The following PCMTD2 variants were observed in gnomAD, a reference collection of about 807,000 sequenced individuals.
The protein encoded by PCMTD2 is protein-L-isoaspartate (D-aspartate) O-methyltransferase domain containing 2, also known as protein-L-isoaspartate O-methyltransferase domain-containing protein 2.
Under a neutral mutation model 33.4 loss-of-function variants are expected in PCMTD2, and 16 were observed. The observed-to-expected ratio is 0.48, with a 90% confidence interval of 0.32 to 0.73. The LOEUF (loss-of-function observed/expected upper bound fraction) is 0.73, where lower values mean the gene tolerates loss of function less well. Among genes scored for constraint, PCMTD2 ranks in the 30% least tolerant of loss-of-function variants. The pLI is 0.03. For missense variants in PCMTD2, 374 were observed against 449.9 expected, an observed-to-expected ratio of 0.83 and a Z score of 1.53; for synonymous variants, 161 against 160.8, an observed-to-expected ratio of 1.00 and a Z score of -0.01.
At position 64,273,308 on chromosome 20, in the gene PCMTD2, G is replaced by C. The variant is rs1229412669; in HGVS notation, c.794G>C (p.Ser265Thr). 1 of 1,614,142 alleles carries C rather than the reference G, an allele frequency of 6.2e-7. No individual in the cohort carries two copies. The highest frequency in any genetic ancestry group is 1.3e-5 in the African/African-American group (1 of 75,040). The part of the protein sequence containing the change: ...IKKIIHQETV[S>T]KNGNGLKNTP... ...AAGATTATTCATCAGGAAACTGTGA[G>C]CAAAAACGGAAACGGACTAAAGAAC... is the stretch of plus-strand genomic sequence containing the variant. Residue 265 changes from serine to threonine, a missense_variant, in exon 6 of 6, where the codon AGC (serine) becomes ACC (threonine). Physicochemically the swap from Ser to Thr is moderately conservative, Grantham distance 58. Transcript: ENST00000308824.
chr20:64,265,170 GA>G, intron 3 of PCMTD2, 87 bp from the exon 4 acceptor site: 1 of 898,310 alleles, frequency 1.1e-6, no homozygotes, highest in Non-Finnish European at 1.7e-6. Flanking sequence ...ATTGCTGTGG[GA>G]TTTTAACCTG....
At position 64,269,862 on chromosome 20, in the gene PCMTD2, GT is replaced by G. The variant is rs1461504937; in HGVS notation, c.706+1853del. On this transcript the variant is annotated intron_variant, in intron 5 of 5. Coordinates refer to ENST00000308824, the MANE Select transcript of PCMTD2 (RefSeq NM_018257.3). ...GGTCATGGGTGCTGGCGTGTGGGGG[GT>G]GTGGGCGTGCATCGTGTGGGGTCGT... Among the ~76,000 whole-genome samples, 7 of 150,042 alleles carry G rather than the reference GT, an allele frequency of 4.7e-5. No individual in the cohort carries two copies. In the South Asian group the frequency reaches 6.4e-4, roughly 14 times the overall value.
rs376463256 is a variant in PCMTD2, at chr20:64,260,304, C to A, written c.307+32C>A. ...GTGGAAGGAGAGTCTGAAAACTCATCTGTCTCAGGGAAGGAGGCATCTCCT... is the reference window on the plus strand; with the variant it reads ...GTGGAAGGAGAGTCTGAAAACTCATATGTCTCAGGGAAGGAGGCATCTCCT... On this transcript the variant is annotated intron_variant, in intron 2 of 5. Coordinates refer to ENST00000308824, the MANE Select transcript of PCMTD2 (RefSeq NM_018257.3). 2.0e-6 allele frequency: 3 copies of A among 1,487,322 alleles called. No homozygotes were observed. In the Admixed American group the frequency reaches 5.2e-5, roughly 26 times the overall value. 92.1% of individuals were successfully genotyped at this position (1,487,322 alleles called of 1,614,324 possible). A position where few individuals can be genotyped will look rare whatever the true frequency, so the allele number is the denominator to read the frequency against.
At chr20:64,272,524 T>TAA (rs1173899158) in intron 5 of PCMTD2, among the ~76,000 whole-genome samples, 1 of 152,188 alleles carries the variant, frequency 6.6e-6, no homozygotes. Flanking sequence ...TATTAACAGA[T>TAA]AAAAGAATAT....
chr20:64,265,463 A>G lies in PCMTD2; in HGVS notation c.582+34A>G, dbSNP rs1985617467. The G allele has an allele frequency of 4.5e-6, 7 of 1,541,820 alleles. No individual in the cohort carries two copies. The East Asian group carries it at 1.6e-4, about 35-fold the overall frequency. ...CCCTTCATAACTGACATTTCTGCAC[A>G]CTGTGTGCCAAGGTCTGTTCTGGGC... On this transcript the variant is annotated intron_variant, in intron 4 of 5. Transcript: ENST00000308824.
At chr20:64,262,601 G>C (rs1008471831) in intron 2 of PCMTD2, 4 of 152,336 alleles carry the variant, frequency 2.6e-5, no homozygotes, top group African/African-American at 9.7e-5. Context: ...TTGGCTTCCC[G>C]GCGCCTGTGG....
chr20:64,268,712 T>C (rs1409301338), intron 5 of PCMTD2, among the ~76,000 whole-genome samples: 1 of 145,478 alleles, frequency 6.9e-6, no homozygotes, highest in African/African-American at 2.6e-5. Context: ...GGGAAAAGTT[T>C]TGCATAGTCT....
In PCMTD2 at chr20:64,274,814, C is replaced by G. The variant is rs1446422806; in HGVS notation, c.*1214C>G. The stretch of plus-strand genomic sequence containing the variant: ...GTGGTAGGGCTAAAAGAACAACAGC[C>G]TTTTTGGTAGTCACATAGCAGAATG... On this transcript the variant is annotated 3_prime_UTR_variant, in exon 6 of 6. Transcript: ENST00000308824. 2.6e-5 allele frequency: 4 copies of G among 152,164 alleles called. No individual in the cohort carries two copies. The highest frequency in any genetic ancestry group is 9.7e-5 in the African/African-American group (4 of 41,436). 9.4% of individuals were successfully genotyped at this position (152,164 alleles called of 1,614,324 possible).
chr20:64,260,032 T>C lies in PCMTD2; in HGVS notation c.67T>C (p.Tyr23His), dbSNP rs1272062697. 1 of 1,612,326 alleles carries C rather than the reference T, an allele frequency of 6.2e-7. No individual in the cohort carries two copies. Among genetic ancestry groups the C allele is most frequent in the Non-Finnish European group, 8.5e-7 (1 of 1,178,348 alleles). Residue 23 changes from tyrosine (Y) to histidine (H), a missense_variant, in exon 2 of 6, where the codon TAT (tyrosine) becomes CAT (histidine). Coordinates refer to ENST00000308824, the MANE Select transcript of PCMTD2 (RefSeq NM_018257.3). ...GATAGATAATTTGAAAGAAGCACAG[T>C]ATATCCGGACTGAGCTGGTAGAGCA... ...ELIDNLKEAQ[Y>H]IRTELVEQAF...
At chr20:64,272,607 T>C (rs1052668346) in intron 5 of PCMTD2, among the ~76,000 whole-genome samples, 2 of 152,184 alleles carry the variant, frequency 1.3e-5, no homozygotes, top group Non-Finnish European at 2.9e-5. Flanking sequence ...TCACTTGATG[T>C]TAGGAGTTTG....
intron 1 of PCMTD2, among the ~76,000 whole-genome samples, chr20:64,258,130 T>C (rs1414630530): frequency 6.6e-6 from 1 of 152,130 alleles, no homozygotes; most frequent in Non-Finnish European, 1.5e-5. Flanking sequence ...GGTGAAGAGG[T>C]GGCTTTGACT....
At position 64,273,851 on chromosome 20, in the gene PCMTD2, T is replaced by G; in HGVS notation, c.*251T>G. 2.7e-6 allele frequency: 1 copy of G among 371,710 alleles called. No individual in the cohort carries two copies. The highest frequency in any genetic ancestry group is 4.1e-5 in the Admixed American group (1 of 24,334). The allele number at this position is 371,710 out of a possible 1,614,324, so 23.0% of individuals were successfully genotyped here. ...TTGTTTTCCCAAAGTGGAGAGAATC[T>G]TCATAGAGAAAAAGAGAAGGCTGTT... On this transcript the variant is annotated 3_prime_UTR_variant, in exon 6 of 6. Transcript: ENST00000308824.
At chr20:64,264,708 C>A (rs1985580835) in intron 3 of PCMTD2, among the ~76,000 whole-genome samples, 177 bp downstream of exon 3, 2 of 152,202 alleles carry the variant, frequency 1.3e-5, no homozygotes, top group Non-Finnish European at 2.9e-5. Flanking sequence ...TAGGGTATTT[C>A]AAACTGTTAC....
At position 64,260,182 on chromosome 20, in the gene PCMTD2, A is replaced by G; in HGVS notation, c.217A>G (p.Met73Val). ...LSAPCIYSEV[M>V]EALDLQPGLS... ...AGCCCCGTGCATCTACTCGGAGGTG[A>G]TGGAAGCCCTAGATCTGCAGCCTGG... Residue 73 changes from methionine to valine, a missense_variant, in exon 2 of 6, where the codon ATG (methionine) becomes GTG (valine). Transcript: ENST00000308824. The G allele has an allele frequency of 6.2e-7, 1 of 1,613,618 alleles. No individual in the cohort carries two copies. Among genetic ancestry groups the G allele is most frequent in the Non-Finnish European group, 8.5e-7 (1 of 1,179,518 alleles).
chr20:64,268,819 T>C lies in PCMTD2; in HGVS notation c.706+809T>C, dbSNP rs192785994. On this transcript the variant is annotated intron_variant, in intron 5 of 5. Coordinates refer to ENST00000308824, the MANE Select transcript of PCMTD2 (RefSeq NM_018257.3). ...TTATTAGGAATCACCTATGAAATGA[T>C]TACACTTTGCTTTGGTCTCTACTAA... 2.9e-3 allele frequency among the ~76,000 whole-genome samples: 448 copies of C among 152,332 alleles called. 3 individuals carry two copies. The highest frequency in any genetic ancestry group is 5.6e-3 in the Admixed American group (85 of 15,302).
In PCMTD2 at chr20:64,267,900, C is replaced by A; in HGVS notation, c.596C>A (p.Thr199Lys). ...TCTCTGGGATAGTTGACTAAGATAA[C>A]ACGCACAGGTCCTTCAGCTTGGGAA... ...MPLEEKLTKI[T>K]RTGPSAWETK... Residue 199 changes from threonine to lysine, a missense_variant, in exon 5 of 6, where the codon ACA becomes AAA. By Grantham distance (78) the Thr-to-Lys change is moderately conservative. Coordinates refer to ENST00000308824, the MANE Select transcript of PCMTD2 (RefSeq NM_018257.3). The A allele has an allele frequency of 6.2e-7, 1 of 1,613,516 alleles. No homozygotes were observed. Among genetic ancestry groups the A allele is most frequent in the Non-Finnish European group, 8.5e-7 (1 of 1,179,534 alleles).
rs1985340712 is a variant in PCMTD2, at chr20:64,260,118, T to C, written c.153T>C (p.Tyr51=). The C allele has an allele frequency of 6.2e-7, 1 of 1,613,916 alleles. No individual in the cohort carries two copies. The highest frequency in any genetic ancestry group is 1.6e-4 in the Middle Eastern group (1 of 6,062). Residue 51 remains tyrosine (Y), a synonymous_variant, in exon 2 of 6, where the codon TAT becomes TAC. Transcript: ENST00000308824. ...TTGAAGAATTTAAAGAAAATGCTTA[T>C]AAAGACTTGGCATGGAAGCATGGAA... ...YYLEEFKENA[Y]KDLAWKHGNI...
rs1986066139 is a variant in PCMTD2, at chr20:64,275,352, A to T, written c.*1752A>T. 1 of 152,116 alleles carries T rather than the reference A, an allele frequency of 6.6e-6. No individual in the cohort carries two copies. Among genetic ancestry groups the T allele is most frequent in the Non-Finnish European group, 1.5e-5 (1 of 68,008 alleles). 9.4% of individuals were successfully genotyped at this position (152,116 alleles called of 1,614,324 possible). A position where few individuals can be genotyped will look rare whatever the true frequency, so the allele number is the denominator to read the frequency against. ...TTGGAAATTTTTGGACATTATATTA[A>T]ATGAGTGCTATCTGTGAAATTGGTT... On this transcript the variant is annotated 3_prime_UTR_variant, in exon 6 of 6. Transcript: ENST00000308824.
chr20:64,260,624 T>C (rs1985372148), intron 2 of PCMTD2, among the ~76,000 whole-genome samples: 1 of 152,168 alleles, frequency 6.6e-6, no homozygotes, highest in Non-Finnish European at 1.5e-5. Context: ...CACTCATTCT[T>C]CCTTGTCACT....
Sources: gnomAD v4.1 joint callset for allele counts (sites outside exome capture counted in the v4.1 genomes callset) on GRCh38, gnomAD v4.1.1 for gene constraint, MANE v1.5 for transcripts, NCBI Gene and HGNC (gene_info 2026-07-23, HGNC 2026-07-21) for gene names.